The following TEX2 variants were observed in gnomAD, a reference collection of about 807,000 sequenced individuals.
TEX2 encodes testis expressed 2.
In TEX2, 53 loss-of-function variants were observed where a neutral mutation model predicts 106.9. The observed-to-expected ratio is 0.50, with a 90% confidence interval of 0.40 to 0.62. The LOEUF is 0.62. TEX2 is among the 20% of genes least tolerant of loss of function. The pLI, the probability that TEX2 is intolerant of heterozygous loss-of-function variation, is 0.00. For synonymous variants in TEX2, 523 were observed against 534.8 expected, an observed-to-expected ratio of 0.98 and a Z score of 0.30; for missense variants, 1,207 against 1,379.0, an observed-to-expected ratio of 0.88 and a Z score of 1.98.
In TEX2 at chr17:64,152,027, G is replaced by A. The variant is rs549018516; in HGVS notation, c.3140+918C>T. On this transcript the variant is annotated intron_variant, in intron 10 of 11. Coordinates refer to ENST00000584379, the MANE Select transcript of TEX2 (RefSeq NM_001288732.2). The stretch of plus-strand genomic sequence containing the variant: ...TTTATTGGGAAATACCAGCATTATC[G>A]TTAAATGGTTAGTCAATTCAAAACC... Among the ~76,000 whole-genome samples the A allele has an allele frequency of 6.0e-3, 905 of 152,056 alleles. 13 individuals are homozygous for A. Among genetic ancestry groups the A allele is most frequent in the Non-Finnish European group, 9.3e-3 (631 of 67,986 alleles).
chr17:64,164,846 G>C (rs983537397), intron 7 of TEX2, among the ~76,000 whole-genome samples: 3 of 152,194 alleles, frequency 2.0e-5, no homozygotes, highest in Non-Finnish European at 4.4e-5. Flanking sequence ...CTTCGGCCTG[G>C]TTTTCCAGTT....
intron 1 of TEX2, among the ~76,000 whole-genome samples, chr17:64,216,673 C>G (rs555726684): frequency 1.3e-5 from 2 of 152,210 alleles, no homozygotes; most frequent in African/African-American, 4.8e-5. Context: ...CAGAAGCCTG[C>G]GGTCTCAGCA....
rs529574016 is a variant in TEX2 at position 64,147,680 on chromosome 17, C to A, written c.*1289G>T. On this transcript the variant is annotated 3_prime_UTR_variant, in exon 12 of 12. Transcript: ENST00000584379. ...AGAACAGTACACCAACTGGAATGGTCAAACAATTTAAGTCAAATGTTTTAA... is the reference window on the plus strand; with the variant it reads ...AGAACAGTACACCAACTGGAATGGTAAAACAATTTAAGTCAAATGTTTTAA... 101 of 152,644 alleles carry A rather than the reference C, an allele frequency of 6.6e-4. No individual in the cohort carries two copies. The highest frequency in any genetic ancestry group is 1.3e-3 in the Non-Finnish European group (90 of 67,986). The allele number at this position is 152,644 out of a possible 1,614,324, so 9.5% of individuals were successfully genotyped here. A position where few individuals can be genotyped will look rare whatever the true frequency, so the allele number is the denominator to read the frequency against.
At chr17:64,149,190 A>G (rs973449313) in intron 11 of TEX2, 99 bp from the exon 12 acceptor site, 3 of 1,353,764 alleles carry the variant, frequency 2.2e-6, no homozygotes, top group African/African-American at 1.5e-5. Flanking sequence ...CTGATTTTTA[A>G]AAGTACATAT....
Position 64,213,722 on chromosome 17 carries a change from A to G in TEX2, c.496T>C (p.Ser166Pro). The change falls in exon 2 of 12, where the codon TCT becomes CCT. Residue 166 changes from serine to proline, a missense_variant. Coordinates refer to ENST00000584379, the MANE Select transcript of TEX2 (RefSeq NM_001288732.2). The surrounding 1 kb of genome is among the most constrained non-coding windows in gnomAD (Gnocchi z 4.4). Reference protein sequence around the residue: ...QKTSSSSPLSSPSKSPILSSS... With the variant: ...QKTSSSSPLSPPSKSPILSSS... ...GAGAGGATGGGAGACTTAGAAGGAG[A>G]GGACAATGGGGAGGAAGAACTGGTT... The G allele has an allele frequency of 6.2e-7, 1 of 1,614,128 alleles. No individual in the cohort carries two copies. Among genetic ancestry groups the G allele is most frequent in the South Asian group, 1.1e-5 (1 of 91,080 alleles).
At chr17:64,171,271 G>T in intron 6 of TEX2, 72 bp from the exon 7 acceptor site, 1 of 1,312,198 alleles carries the variant, frequency 7.6e-7, no homozygotes, top group Non-Finnish European at 1.1e-6. Flanking sequence ...AAGTCAACAT[G>T]CTTCCGGAGA....
At chr17:64,202,549 G>A (rs1447215099) in intron 2 of TEX2, among the ~76,000 whole-genome samples, 1 of 152,190 alleles carries the variant, frequency 6.6e-6, no homozygotes, top group African/African-American at 2.4e-5. Flanking sequence ...GAAATTTCCA[G>A]ATTTCAGCAA....
chr17:64,208,452 C>T (rs1244752963), intron 2 of TEX2, among the ~76,000 whole-genome samples: 1 of 152,026 alleles, frequency 6.6e-6, no homozygotes, highest in Non-Finnish European at 1.5e-5. Context: ...GTTGCCCAGG[C>T]TGGTCTTGAA....
intron 6 of TEX2, among the ~76,000 whole-genome samples, chr17:64,177,049 C>T (rs2031644524): frequency 6.6e-6 from 1 of 152,142 alleles, no homozygotes; most frequent in Non-Finnish European, 1.5e-5. Flanking sequence ...TAAGAGCTCA[C>T]ATTTTCCCAA....
At chr17:64,215,041 G>A (rs2033143119) in intron 1 of TEX2, among the ~76,000 whole-genome samples, 1 of 152,242 alleles carries the variant, frequency 6.6e-6, no homozygotes, top group Admixed American at 6.5e-5. Context: ...ACTGTGGTGA[G>A]AGATGTGGAA....
chr17:64,235,812 A>G (rs1030456798), intron 1 of TEX2, among the ~76,000 whole-genome samples: 10 of 152,184 alleles, frequency 6.6e-5, no homozygotes, highest in Non-Finnish European at 1.5e-4. Flanking sequence ...AAACTCCCAA[A>G]TTCTGCACAT....
At position 64,212,641 on chromosome 17, in the gene TEX2, T is replaced by A; in HGVS notation, c.1577A>T (p.Lys526Met). 1 of 1,614,202 alleles carries A rather than the reference T, an allele frequency of 6.2e-7. No homozygotes were observed. Among genetic ancestry groups the A allele is most frequent in the Non-Finnish European group, 8.5e-7 (1 of 1,180,034 alleles). The part of the protein sequence containing the change: ...FTPPSAHKYH[K>M]LHKNLRHWNT... ...CCAGTGTCGCAGATTTTTGTGTAAC[T>A]TGTGATATTTATGAGCACTTGGTGG... Residue 526 changes from lysine (K) to methionine (M), a missense_variant, in exon 2 of 12, where the codon AAG becomes ATG. Lys to Met is a moderately conservative substitution (Grantham distance 95). Transcript: ENST00000584379.
Position 64,148,431 on chromosome 17 carries a change from T to C in TEX2, c.*538A>G, listed in dbSNP as rs1248636364. On this transcript the variant is annotated 3_prime_UTR_variant, in exon 12 of 12. Coordinates refer to ENST00000584379, the MANE Select transcript of TEX2 (RefSeq NM_001288732.2). ...TGCTTCCCAAATGCACAATTTAATG[T>C]GGAAAATAAGTTGCTCTGCCCATCT... is the stretch of plus-strand genomic sequence containing the variant. 6.5e-6 allele frequency: 1 copy of C among 153,516 alleles called. No homozygotes were observed. Among genetic ancestry groups the C allele is most frequent in the African/African-American group, 2.4e-5 (1 of 41,434 alleles). 9.5% of individuals were successfully genotyped at this position (153,516 alleles called of 1,614,324 possible). A position where few individuals can be genotyped will look rare whatever the true frequency, so the allele number is the denominator to read the frequency against.
chr17:64,233,311 C>T (rs1403687964), intron 1 of TEX2, among the ~76,000 whole-genome samples: 1 of 152,162 alleles, frequency 6.6e-6, no homozygotes, highest in East Asian at 1.9e-4. Context: ...TGGTGGCTCG[C>T]GCCTGTAATC....
chr17:64,201,481 A>C (rs550517816), intron 2 of TEX2, among the ~76,000 whole-genome samples: 2 of 152,304 alleles, frequency 1.3e-5, no homozygotes, highest in East Asian at 3.9e-4. Flanking sequence ...CCCCAGGTGC[A>C]TTATCTCCTG....
intron 7 of TEX2, among the ~76,000 whole-genome samples, chr17:64,163,557 A>C (rs942397558): frequency 6.6e-6 from 1 of 152,228 alleles, no homozygotes; most frequent in Non-Finnish European, 1.5e-5. Context: ...TTTAGCATTA[A>C]GTGTAGGAGA....
At chr17:64,156,521 T>C (rs1051719798) in intron 8 of TEX2, among the ~76,000 whole-genome samples, 6 of 152,172 alleles carry the variant, frequency 3.9e-5, no homozygotes, top group African/African-American at 1.2e-4. Flanking sequence ...TGCAGAGCCA[T>C]ATCAGAGTGT....
intron 8 of TEX2, among the ~76,000 whole-genome samples, chr17:64,160,396 A>G (rs1378587892): frequency 6.6e-6 from 1 of 152,210 alleles, no homozygotes; most frequent in South Asian, 2.1e-4. Context: ...CTAATTATAA[A>G]TAATTCTGAC....
chr17:64,261,976 G>A (rs561960261), intron 1 of TEX2, among the ~76,000 whole-genome samples: 2 of 152,294 alleles, frequency 1.3e-5, no homozygotes, highest in Admixed American at 6.5e-5. Context: ...AGAGTTCAAG[G>A]ATAACCTGCC....
Sources: gnomAD v4.1 joint callset for allele counts (sites outside exome capture counted in the v4.1 genomes callset) on GRCh38, gnomAD v4.1.1 for gene constraint, Gnocchi (gnomAD v3.1) non-coding constraint, MANE v1.5 for transcripts, NCBI Gene and HGNC (gene_info 2026-07-23, HGNC 2026-07-21) for gene names.